The following TMPRSS15 variants were observed in gnomAD, a reference collection of about 807,000 sequenced individuals.
TMPRSS15 encodes transmembrane serine protease 15.
A neutral mutation model predicts 125.3 loss-of-function variants in TMPRSS15; 128 were observed. The ratio of observed to expected loss-of-function variants is 1.02; its 90% CI spans 0.89 to 1.18. TMPRSS15 has a LOEUF of 1.18. Among genes scored for constraint, TMPRSS15 ranks in the 50% most tolerant of loss-of-function variants. TMPRSS15 has a pLI of 0.00. For synonymous variants in TMPRSS15, 446 were observed against 423.2 expected, an observed-to-expected ratio of 1.05 and a Z score of -0.66; for missense variants, 1,283 against 1,212.7, an observed-to-expected ratio of 1.06 and a Z score of -0.86.
At chr21:18,378,382 G>A (rs917054577) in intron 5 of TMPRSS15, among the ~76,000 whole-genome samples, 1 of 152,040 alleles carries the variant, frequency 6.6e-6, no homozygotes, top group Non-Finnish European at 1.5e-5. Flanking sequence ...CTGCAGAAAG[G>A]CTTATTCTAT....
At chr21:18,343,044 T>G (rs186375169) in intron 12 of TMPRSS15, among the ~76,000 whole-genome samples, 4 of 152,302 alleles carry the variant, frequency 2.6e-5, no homozygotes, top group Admixed American at 2.6e-4. Context: ...CTACAGCTCA[T>G]ATAATTTGTT....
At position 18,482,283 on chromosome 21, in the gene TMPRSS15, A is replaced by C. The variant is rs1171092103; in HGVS notation, c.10+3516T>G. 2.0e-5 allele frequency among the ~76,000 whole-genome samples: 3 copies of C among 151,686 alleles called. No homozygotes were observed. The East Asian group carries it at 5.8e-4, about 29-fold the overall frequency. ...TCTTCCAAAAACTTTATACATTTAA[A>C]TCAGAATTTTTACACTTCTAAAAAT... On this transcript the variant is annotated intron_variant, in intron 1 of 7. Transcript: ENST00000422787.
At chr21:18,468,832 A>AG (rs1978720225) in intron 1 of TMPRSS15, among the ~76,000 whole-genome samples, 1 of 152,108 alleles carries the variant, frequency 6.6e-6, no homozygotes, top group Admixed American at 6.6e-5. Context: ...ACCATATGTA[A>AG]TTCTACTTTG....
intron 16 of TMPRSS15, among the ~76,000 whole-genome samples, chr21:18,326,126 G>C (rs2075286904): frequency 6.6e-6 from 1 of 152,026 alleles, no homozygotes; most frequent in Non-Finnish European, 1.5e-5. Flanking sequence ...TCTTTCCTTA[G>C]AGGGTCAAGT....
chr21:18,415,823 G>C (rs938897237), intron 1 of TMPRSS15, among the ~76,000 whole-genome samples: 1 of 152,080 alleles, frequency 6.6e-6, no homozygotes, highest in African/African-American at 2.4e-5. Context: ...GAAAGAAATA[G>C]AAGGAATCAA....
intron 3 of TMPRSS15, among the ~76,000 whole-genome samples, chr21:18,390,698 G>A (rs1024035767): frequency 2.6e-5 from 4 of 152,156 alleles, no homozygotes; most frequent in African/African-American, 7.2e-5. Flanking sequence ...CAGGGAAGGC[G>A]ACATGGACTG....
chr21:18,443,849 C>T (rs1161336729), intron 1 of TMPRSS15, among the ~76,000 whole-genome samples: 2 of 152,204 alleles, frequency 1.3e-5, no homozygotes, highest in Non-Finnish European at 2.9e-5. Context: ...AGCAGTACCG[C>T]TTTTGTGTGA....
intron 18 of TMPRSS15, among the ~76,000 whole-genome samples, chr21:18,302,659 A>T (rs1231860442): frequency 6.6e-6 from 1 of 152,236 alleles, no homozygotes; most frequent in Non-Finnish European, 1.5e-5. Context: ...AAGCTACTGT[A>T]TTAAGAGCAA....
chr21:18,370,730 C>T (rs2075784136), intron 6 of TMPRSS15, among the ~76,000 whole-genome samples: 1 of 152,070 alleles, frequency 6.6e-6, no homozygotes, highest in Non-Finnish European at 1.5e-5. Flanking sequence ...ATCGGGATTG[C>T]TTAGTGGAAA....
At chr21:18,449,871 A>G (rs1031750687) in intron 1 of TMPRSS15, among the ~76,000 whole-genome samples, 1 of 22,404 alleles carries the variant, frequency 4.5e-5, no homozygotes, top group Non-Finnish European at 1.7e-4. Flanking sequence ...ACACACACAC[A>G]CACACGCACA....
intron 24 of TMPRSS15, 80 bp from the exon 25 acceptor site, chr21:18,270,204 A>T: frequency 2.5e-6 from 3 of 1,219,050 alleles, no homozygotes; most frequent in Non-Finnish European, 3.5e-6. Context: ...TATCAAATAA[A>T]TTAAAAAATA....
chr21:18,273,637 T>C (rs374506339), intron 24 of TMPRSS15, among the ~76,000 whole-genome samples: 98 of 152,316 alleles, frequency 6.4e-4, no homozygotes, highest in African/African-American at 2.2e-3. Flanking sequence ...GCGTGAGGTG[T>C]CTGCCACACA....
intron 1 of TMPRSS15, among the ~76,000 whole-genome samples, chr21:18,436,050 C>T (rs1367971614): frequency 6.6e-6 from 1 of 150,602 alleles, no homozygotes; most frequent in Admixed American, 6.6e-5. Context: ...TGCTAGCGGT[C>T]TATCAATTTT....
intron 3 of TMPRSS15, among the ~76,000 whole-genome samples, chr21:18,387,651 GCACA>G (rs977731186): frequency 1.1e-5 from 1 of 95,112 alleles, no homozygotes; most frequent in African/African-American, 4.0e-5. Flanking sequence ...ACACACACAC[GCACA>G]CACACCCCAA....
intron 1 of TMPRSS15, among the ~76,000 whole-genome samples, chr21:18,409,634 T>C (rs754342219): frequency 6.6e-6 from 1 of 152,154 alleles, no homozygotes; most frequent in African/African-American, 2.4e-5. Flanking sequence ...TTTGTTGTAA[T>C]TGATTTTCAT....
intron 3 of TMPRSS15, among the ~76,000 whole-genome samples, chr21:18,391,739 T>A (rs958146128): frequency 6.6e-6 from 1 of 152,226 alleles, no homozygotes; most frequent in Non-Finnish European, 1.5e-5. Context: ...GTGGGGGCTC[T>A]AGCCACACAT....
At chr21:18,435,831 G>T (rs190489555) in intron 1 of TMPRSS15, among the ~76,000 whole-genome samples, 138 of 152,304 alleles carry the variant, frequency 9.1e-4, no homozygotes, top group African/African-American at 3.2e-3. Flanking sequence ...TCTATTCAGA[G>T]ATTCGACTTC....
At chr21:18,280,587 A>ACAAACAAAC (rs1568979225) in intron 22 of TMPRSS15, among the ~76,000 whole-genome samples, 4 of 145,478 alleles carry the variant, frequency 2.7e-5, no homozygotes, top group African/African-American at 1.1e-4. Flanking sequence ...AAAAAAAAAA[A>ACAAACAAAC]AAAAAAAACA....
intron 4 of TMPRSS15, among the ~76,000 whole-genome samples, chr21:18,380,167 T>TCTCA (rs1555907563): frequency 2.2e-4 from 31 of 139,414 alleles, no homozygotes; most frequent in Admixed American, 2.9e-4. Flanking sequence ...TATGGAGATG[T>TCTCA]CACACACACA....
Sources: gnomAD v4.1 joint callset for allele counts (sites outside exome capture counted in the v4.1 genomes callset) on GRCh38, gnomAD v4.1.1 for gene constraint, MANE v1.5 for transcripts, NCBI Gene and HGNC (gene_info 2026-07-23, HGNC 2026-07-21) for gene names.